Variants in ADGRL3 observed in about 807,000 individuals in gnomAD.
ADGRL3 encodes the protein adhesion G protein-coupled receptor L3.
Under a neutral mutation model 153.5 loss-of-function variants are expected in ADGRL3, and 62 were observed. The ratio of observed to expected loss-of-function variants is 0.40; its 90% confidence interval spans 0.33 to 0.50. ADGRL3 has a LOEUF of 0.50. Ranked by LOEUF, ADGRL3 falls within the 20% of genes least tolerant of loss-of-function variation. ADGRL3 has a pLI of 0.47. For missense variants in ADGRL3, 1,641 were observed against 1,859.4 expected, an observed-to-expected ratio of 0.88 and a Z score of 2.16; for synonymous variants, 710 against 672.5, an observed-to-expected ratio of 1.06 and a Z score of -0.86.
intron 17 of ADGRL3, among the ~76,000 whole-genome samples, chr4:61,956,576 A>G (rs9688296): frequency 1.3e-5 from 2 of 151,934 alleles, no homozygotes; most frequent in African/African-American, 2.4e-5. Flanking sequence ...TTTTGTTGCA[A>G]TTGCTTTTGG....
At chr4:61,975,828 C>G (rs1396953585) in intron 17 of ADGRL3, among the ~76,000 whole-genome samples, 1 of 151,956 alleles carries the variant, frequency 6.6e-6, no homozygotes, top group Non-Finnish European at 1.5e-5. Flanking sequence ...GAGTTTTTGG[C>G]CAGAACATTT....
intron 6 of ADGRL3, among the ~76,000 whole-genome samples, chr4:61,698,849 C>T (rs911476408): frequency 3.9e-5 from 6 of 152,094 alleles, no homozygotes; most frequent in Non-Finnish European, 5.9e-5. Flanking sequence ...CTATTCTTAA[C>T]GCTATGGGTG....
intron 8 of ADGRL3, among the ~76,000 whole-genome samples, chr4:61,789,256 G>C (rs759812795): frequency 6.6e-6 from 1 of 151,948 alleles, no homozygotes; most frequent in Non-Finnish European, 1.5e-5. Flanking sequence ...AATAATACAA[G>C]TAAAATCTTT....
chr4:61,807,700 A>G (rs1311146365), intron 8 of ADGRL3, among the ~76,000 whole-genome samples: 2 of 152,120 alleles, frequency 1.3e-5, no homozygotes, highest in African/African-American at 2.4e-5. Context: ...CTTAATTTTT[A>G]GGTATCATAA....
intron 6 of ADGRL3, among the ~76,000 whole-genome samples, chr4:61,725,608 C>CA (rs66483666): frequency 0.44 from 61,822 of 141,440 alleles, 13,559 homozygotes; most frequent in Admixed American, 0.54. Flanking sequence ...AAAAAAAAAC[C>CA]AAAAAAAAAC....
chr4:61,548,684 T>C (rs1487483437), intron 4 of ADGRL3, among the ~76,000 whole-genome samples: 2 of 152,138 alleles, frequency 1.3e-5, no homozygotes, highest in Admixed American at 1.3e-4. Context: ...TGTATTCTTA[T>C]AGTATAGTTT....
chr4:61,626,527 C>T (rs1200733576), intron 5 of ADGRL3, among the ~76,000 whole-genome samples: 2 of 151,990 alleles, frequency 1.3e-5, no homozygotes, highest in African/African-American at 4.8e-5. Flanking sequence ...GGATGAAGCA[C>T]AACAAAAACA....
intron 4 of ADGRL3, among the ~76,000 whole-genome samples, chr4:61,533,998 G>A (rs1337900727): frequency 6.6e-6 from 1 of 152,014 alleles, no homozygotes; most frequent in Non-Finnish European, 1.5e-5. Flanking sequence ...TTGCTTTTGA[G>A]GTCTTAGTCA....
chr4:61,625,118 A>G (rs2092756214), intron 5 of ADGRL3, among the ~76,000 whole-genome samples: 1 of 152,112 alleles, frequency 6.6e-6, no homozygotes, highest in Non-Finnish European at 1.5e-5. Flanking sequence ...TGACTCTTGT[A>G]TGTAGTTACA....
chr4:61,651,574 TA>T (rs1197795778), intron 5 of ADGRL3, among the ~76,000 whole-genome samples: 9 of 151,964 alleles, frequency 5.9e-5, no homozygotes, highest in South Asian at 4.2e-4. Context: ...TCAAAATAAA[TA>T]AATTTTTTTT....
At chr4:61,428,430 G>T (rs1181487265) in intron 2 of ADGRL3, among the ~76,000 whole-genome samples, 1 of 152,132 alleles carries the variant, frequency 6.6e-6, no homozygotes, top group Non-Finnish European at 1.5e-5. Flanking sequence ...TTTCCTTACA[G>T]CGACAGAAGA....
intron 1 of ADGRL3, among the ~76,000 whole-genome samples, chr4:61,358,559 T>C (rs2096227767): frequency 7.8e-6 from 1 of 127,812 alleles, no homozygotes; most frequent in Non-Finnish European, 1.6e-5. Flanking sequence ...ATCGTGCCAC[T>C]GCACTCCAGC....
rs572079270 is a variant in ADGRL3 at position 61,292,406 on chromosome 4, A to G, written c.-240+90641A>G. 2.0e-4 allele frequency among the ~76,000 whole-genome samples: 31 copies of G among 152,326 alleles called. 1 individual carries two copies. The South Asian group carries it at 6.2e-3, about 31-fold the overall frequency. On this transcript the variant is annotated intron_variant, in intron 1 of 26. Transcript: ENST00000683033. ...AGTTGTGAAACTAGTAATATTAACT[A>G]CAACTTATATGAAAGAGACTGATAG...
chr4:61,880,699 G>A (rs76498857), intron 9 of ADGRL3, among the ~76,000 whole-genome samples: 1,563 of 152,186 alleles, frequency 0.01, 31 homozygotes, highest in African/African-American at 0.035. Context: ...TATCTATCAA[G>A]TATATACTCT....
chr4:61,380,653 C>T (rs1463672651), intron 1 of ADGRL3, among the ~76,000 whole-genome samples: 6 of 152,024 alleles, frequency 3.9e-5, no homozygotes, highest in Middle Eastern at 3.4e-3. Context: ...GCAATAATTT[C>T]TGGTGCATTG....
At chr4:61,785,701 C>G (rs948801379) in intron 8 of ADGRL3, among the ~76,000 whole-genome samples, 1 of 152,160 alleles carries the variant, frequency 6.6e-6, no homozygotes, top group Non-Finnish European at 1.5e-5. Context: ...CAATGCAGTG[C>G]TATTTCTAAC....
intron 8 of ADGRL3, among the ~76,000 whole-genome samples, chr4:61,773,961 C>T (rs904497212): frequency 6.6e-6 from 1 of 152,184 alleles, no homozygotes; most frequent in Non-Finnish European, 1.5e-5. Flanking sequence ...ATGAGAGCTA[C>T]AGTAGTTCCC....
intron 8 of ADGRL3, among the ~76,000 whole-genome samples, chr4:61,804,739 T>C (rs2097534933): frequency 6.6e-6 from 1 of 152,086 alleles, no homozygotes; most frequent in African/African-American, 2.4e-5. Context: ...TATTTGAGAG[T>C]AATACATGAT....
intron 21 of ADGRL3, among the ~76,000 whole-genome samples, chr4:62,008,488 C>A (rs2099169499): frequency 1.3e-5 from 2 of 151,982 alleles, no homozygotes; most frequent in Admixed American, 1.3e-4. Context: ...ACCTATTGAC[C>A]AGTAGATGTT....
Sources: allele counts gnomAD v4.1 joint callset (sites outside exome capture counted in the v4.1 genomes callset), GRCh38; gene constraint gnomAD v4.1.1; transcripts MANE v1.5; gene names NCBI Gene and HGNC (gene_info 2026-07-23, HGNC 2026-07-21).